The following C10orf90 variants were observed in gnomAD, a reference collection of about 807,000 sequenced individuals.
The protein encoded by C10orf90 is (E2-independent) E3 ubiquitin-conjugating enzyme FATS.
C10orf90 carries 56 observed loss-of-function variants against 62.5 expected under a neutral mutation model. The ratio of observed to expected loss-of-function variants is 0.90; its 90% CI spans 0.72 to 1.12. The LOEUF (loss-of-function observed/expected upper bound fraction) is 1.12, where lower values mean the gene tolerates loss of function less well. C10orf90 is among the 50% of genes most tolerant of loss of function. The pLI is 0.00. For missense variants in C10orf90, 970 were observed against 880.4 expected, an observed-to-expected ratio of 1.10 and a Z score of -1.29; for synonymous variants, 386 against 340.4, an observed-to-expected ratio of 1.13 and a Z score of -1.47.
chr10:126,463,747 T>C (rs1055468100), intron 5 of C10orf90, among the ~76,000 whole-genome samples: 1 of 152,236 alleles, frequency 6.6e-6, no homozygotes, highest in Non-Finnish European at 1.5e-5. Flanking sequence ...CAGTCCCTCC[T>C]CTGAGTGTCA....
chr10:126,504,950 C>T lies in C10orf90; in HGVS notation c.541G>A (p.Ala181Thr), dbSNP rs767857171. 8 of 1,614,042 alleles carry T rather than the reference C, an allele frequency of 5.0e-6. No homozygotes were observed. In the African/African-American group the frequency reaches 6.7e-5, roughly 13 times the overall value. Residue 181 changes from alanine to threonine, a missense_variant, in exon 4 of 10, where the codon GCC (alanine) becomes ACC (threonine). Physicochemically the swap from Ala to Thr is moderately conservative, Grantham distance 58. Coordinates refer to ENST00000488181, the MANE Select transcript of C10orf90 (RefSeq NM_001350921.2). The surrounding 1 kb of genome is among the most constrained non-coding windows in gnomAD (Gnocchi z 4.1). ...CAIAQSRAHH[A>T]KQSLANRSGV... ...CTGCGGTTAGCCAGAGATTGCTTGG[C>T]GTGATGTGCACGAGACTGAGCAATG...
chr10:126,569,726 A>G (rs1366973902), intron 2 of C10orf90, among the ~76,000 whole-genome samples: 3 of 152,146 alleles, frequency 2.0e-5, no homozygotes, highest in African/African-American at 7.2e-5. Flanking sequence ...TCTATGGCCA[A>G]TCTATGCTAA....
intron 2 of C10orf90, among the ~76,000 whole-genome samples, chr10:126,585,237 A>G (rs931239204): frequency 2.0e-5 from 3 of 151,440 alleles, no homozygotes; most frequent in Non-Finnish European, 2.9e-5. Flanking sequence ...GGAAGTTAGG[A>G]AAGAAGGAAG....
intron 4 of C10orf90, among the ~76,000 whole-genome samples, chr10:126,490,076 ATAT>A (rs1861674110): frequency 8.2e-6 from 1 of 122,234 alleles, no homozygotes; most frequent in Non-Finnish European, 1.6e-5. Flanking sequence ...ATAATATATA[ATAT>A]AATAATAATA....
chr10:126,562,453 T>G (rs569681025), intron 2 of C10orf90, among the ~76,000 whole-genome samples: 1 of 152,146 alleles, frequency 6.6e-6, no homozygotes, highest in Non-Finnish European at 1.5e-5. Flanking sequence ...TTCCTGCAGA[T>G]AGCATGAGAC....
chr10:126,605,197 C>A (rs1247688277), intron 2 of C10orf90, among the ~76,000 whole-genome samples: 1 of 152,204 alleles, frequency 6.6e-6, no homozygotes, highest in African/African-American at 2.4e-5. Flanking sequence ...GCCAGCAAGT[C>A]ATGAATATGA....
chr10:126,652,367 CTT>C (rs1286908024), intron 1 of C10orf90, among the ~76,000 whole-genome samples: 1 of 152,174 alleles, frequency 6.6e-6, no homozygotes, highest in East Asian at 1.9e-4. Flanking sequence ...GGATTGTTCT[CTT>C]GTTAGGATCT....
intron 4 of C10orf90, among the ~76,000 whole-genome samples, chr10:126,480,705 G>A (rs966722465): frequency 6.6e-6 from 1 of 152,188 alleles, no homozygotes; most frequent in Non-Finnish European, 1.5e-5. Flanking sequence ...TAGGCATTAA[G>A]TCAACCCCTG....
At chr10:126,533,209 C>T (rs1321546967) in intron 2 of C10orf90, among the ~76,000 whole-genome samples, 1 of 152,124 alleles carries the variant, frequency 6.6e-6, no homozygotes, top group African/African-American at 2.4e-5. Flanking sequence ...GCTGGGATTA[C>T]AGGCGGGAGC....
At chr10:126,660,030 A>G (rs1260324646) in intron 1 of C10orf90, among the ~76,000 whole-genome samples, 1 of 152,258 alleles carries the variant, frequency 6.6e-6, no homozygotes, top group Non-Finnish European at 1.5e-5. Flanking sequence ...CAGAGACTCC[A>G]ACCTACGTGC....
chr10:126,583,369 A>G (rs1406353636), intron 2 of C10orf90, among the ~76,000 whole-genome samples: 1 of 152,242 alleles, frequency 6.6e-6, no homozygotes, highest in Non-Finnish European at 1.5e-5. Flanking sequence ...AAAGTCTCTC[A>G]TTCTCAAAAG....
chr10:126,521,406 A>C, intron 2 of C10orf90: 1 of 1,603,126 alleles, frequency 6.2e-7, no homozygotes, highest in Non-Finnish European at 8.5e-7. Flanking sequence ...AAAGAAAAAA[A>C]TGTCCGGAGT....
rs143973116 is a variant in C10orf90 at position 126,652,754 on chromosome 10, G to A, written c.241-6117C>T. Among the ~76,000 whole-genome samples the A allele has an allele frequency of 2.8e-3, 432 of 152,290 alleles. 1 individual carries two copies. The highest frequency in any genetic ancestry group is 9.7e-3 in the African/African-American group (405 of 41,548). On this transcript the variant is annotated intron_variant, in intron 1 of 9. Coordinates refer to ENST00000488181, the MANE Select transcript of C10orf90 (RefSeq NM_001350921.2). The stretch of plus-strand genomic sequence containing the variant: ...GGCATGTTAAATACCCAGTTACCAA[G>A]TCAAATTTAGCTGAACTATTTCGTA...
intron 2 of C10orf90, among the ~76,000 whole-genome samples, chr10:126,622,184 T>C (rs1428560118): frequency 6.6e-6 from 1 of 152,182 alleles, no homozygotes; most frequent in Admixed American, 6.5e-5. Flanking sequence ...TCTATCATAG[T>C]CCCTGGGACA....
intron 2 of C10orf90, among the ~76,000 whole-genome samples, chr10:126,570,793 A>G (rs888457508): frequency 5.3e-5 from 8 of 152,208 alleles, no homozygotes; most frequent in African/African-American, 1.9e-4. Flanking sequence ...CCTATGTTTC[A>G]TGATACTAGG....
chr10:126,609,587 C>T (rs1490113292), intron 2 of C10orf90, among the ~76,000 whole-genome samples: 1 of 152,154 alleles, frequency 6.6e-6, no homozygotes, highest in Non-Finnish European at 1.5e-5. Flanking sequence ...TCAGGTTCTG[C>T]CAAGGGCAGC....
At chr10:126,523,086 G>T (rs1166759368) in intron 2 of C10orf90, 1 of 152,180 alleles carries the variant, frequency 6.6e-6, no homozygotes, top group Non-Finnish European at 1.5e-5. Context: ...GAAAATTATG[G>T]TTTATAATAA....
At chr10:126,473,117 T>C (rs901446463) in intron 4 of C10orf90, among the ~76,000 whole-genome samples, 2 of 152,162 alleles carry the variant, frequency 1.3e-5, no homozygotes, top group African/African-American at 4.8e-5. Flanking sequence ...CTACATCCAA[T>C]GGCCATCATC....
intron 2 of C10orf90, among the ~76,000 whole-genome samples, chr10:126,577,246 T>C (rs970904710): frequency 1.3e-5 from 2 of 151,962 alleles, no homozygotes; most frequent in African/African-American, 2.4e-5. Flanking sequence ...AACATTACTA[T>C]GTACCCCATG....
Sources: allele counts gnomAD v4.1 joint callset (sites outside exome capture counted in the v4.1 genomes callset), GRCh38; gene constraint gnomAD v4.1.1; non-coding constraint Gnocchi (gnomAD v3.1); transcripts MANE v1.5; gene names NCBI Gene and HGNC (gene_info 2026-07-23, HGNC 2026-07-21).